Variants in MYO5B observed in about 807,000 individuals in gnomAD.
MYO5B encodes unconventional myosin-Vb.
Under a neutral mutation model 229.3 loss-of-function variants are expected in MYO5B, and 143 were observed. That is an observed-to-expected ratio of 0.62 (90% CI 0.54 to 0.72). The LOEUF is 0.72. Ranked by LOEUF, MYO5B falls within the 30% of genes least tolerant of loss-of-function variation. The pLI is 0.00. For synonymous variants in MYO5B, 918 were observed against 885.2 expected (o/e 1.04, Z -0.66); for missense variants, 2,321 against 2,331.0 (o/e 1.00, Z 0.09).
chr18:49,895,308 T>G, intron 21 of MYO5B, 134 bp from the exon 22 acceptor site: 1 of 741,958 alleles, frequency 1.3e-6, no homozygotes, highest in Non-Finnish European at 2.4e-6. Context: ...AATCATTGCA[T>G]GCTCAAGTGC....
At chr18:49,982,739 G>A (rs1459536702) in intron 8 of MYO5B, among the ~76,000 whole-genome samples, 1 of 152,134 alleles carries the variant, frequency 6.6e-6, no homozygotes, top group Non-Finnish European at 1.5e-5. Flanking sequence ...GCAACAAACT[G>A]TATGGCCCAC....
At chr18:49,976,909 A>G (rs1290493623) in intron 9 of MYO5B, among the ~76,000 whole-genome samples, 1 of 152,126 alleles carries the variant, frequency 6.6e-6, no homozygotes, top group Non-Finnish European at 1.5e-5. Context: ...CAAGCGTCCA[A>G]TTTGTTCATC....
chr18:49,958,060 C>T lies in MYO5B; in HGVS notation c.1546-3625G>A, dbSNP rs549065051. ...CACCTTTACAAAATACCCCTCTGCA[C>T]GCTCAGCAAAACATTAATTCTAGAT... On this transcript the variant is annotated intron_variant, in intron 12 of 39. Transcript: ENST00000285039. Among the ~76,000 whole-genome samples the T allele has an allele frequency of 5.9e-5, 9 of 152,272 alleles. No homozygotes were observed. The South Asian group carries it at 8.3e-4, about 14-fold the overall frequency.
intron 4 of MYO5B, 65 bp from the exon 5 acceptor site, chr18:50,001,476 C>T: frequency 1.3e-6 from 2 of 1,583,876 alleles, no homozygotes; most frequent in Non-Finnish European, 1.7e-6. Context: ...TCCAGGGACT[C>T]TGTCTGACAA....
At position 50,121,664 on chromosome 18, in the gene MYO5B, C is replaced by T. The variant is rs572564592; in HGVS notation, c.28-66286G>A. On this transcript the variant is annotated intron_variant, in intron 1 of 39. Coordinates refer to ENST00000285039, the MANE Select transcript of MYO5B (RefSeq NM_001080467.3). Reference sequence around the variant, plus strand: ...CTGTGTGCCTCCTCACTTCATCATTCAATGTAAATACAAAGCACCCACTTA... The same window carrying T: ...CTGTGTGCCTCCTCACTTCATCATTTAATGTAAATACAAAGCACCCACTTA... 2.0e-5 allele frequency among the ~76,000 whole-genome samples: 3 copies of T among 152,328 alleles called. No individual in the cohort carries two copies. The East Asian group carries it at 5.8e-4, about 29-fold the overall frequency.
At chr18:49,997,421 A>G (rs933282657) in intron 5 of MYO5B, among the ~76,000 whole-genome samples, 10 of 102,850 alleles carry the variant, frequency 9.7e-5, no homozygotes, top group African/African-American at 4.0e-4. Flanking sequence ...CTTGTTGCCC[A>G]GGCTGGAGTG....
intron 1 of MYO5B, among the ~76,000 whole-genome samples, chr18:50,103,354 C>G (rs1467354749): frequency 6.6e-6 from 1 of 152,188 alleles, no homozygotes; most frequent in Non-Finnish European, 1.5e-5. Flanking sequence ...CCTGACCCTC[C>G]CTGGAAGTTA....
At chr18:49,953,237 T>C (rs750097924) in intron 14 of MYO5B, 23 bp downstream of exon 14, 3 of 1,608,626 alleles carry the variant, frequency 1.9e-6, no homozygotes, top group South Asian at 2.2e-5. Context: ...CCTGCTCCAC[T>C]CCCCACTTCT....
intron 13 of MYO5B, 133 bp from the exon 14 acceptor site, chr18:49,953,476 TAAAATGCAAACCCAATA>T: frequency 1.3e-6 from 1 of 755,212 alleles, no homozygotes. Flanking sequence ...TGTTTCCACT[TAAAATGCAAACCCAATA>T]AATGGTCAGG....
At chr18:50,052,663 AC>A (rs1295135055) in intron 2 of MYO5B, among the ~76,000 whole-genome samples, 1 of 150,276 alleles carries the variant, frequency 6.7e-6, no homozygotes, top group Non-Finnish European at 1.5e-5. Flanking sequence ...TATGTAACTA[AC>A]CTGCACATTG....
chr18:49,884,186 G>A (rs1234409835), intron 22 of MYO5B, among the ~76,000 whole-genome samples: 1 of 151,924 alleles, frequency 6.6e-6, no homozygotes, highest in Non-Finnish European at 1.5e-5. Flanking sequence ...AAAGTGAAAG[G>A]GCAACCCACA....
At chr18:50,181,294 C>A (rs762333034) in intron 1 of MYO5B, among the ~76,000 whole-genome samples, 1 of 152,066 alleles carries the variant, frequency 6.6e-6, no homozygotes, top group East Asian at 1.9e-4. Context: ...AGAACTGCTA[C>A]ATCCAAATGA....
At chr18:50,058,626 C>A (rs936722338) in intron 1 of MYO5B, among the ~76,000 whole-genome samples, 1 of 152,166 alleles carries the variant, frequency 6.6e-6, no homozygotes, top group Non-Finnish European at 1.5e-5. Context: ...GCCTGGCCAA[C>A]ATGGTAAAAC....
intron 14 of MYO5B, among the ~76,000 whole-genome samples, chr18:49,952,670 C>T (rs1349764485): frequency 6.6e-6 from 1 of 152,108 alleles, no homozygotes; most frequent in East Asian, 1.9e-4. Context: ...AGAATGGACA[C>T]AATATTTGCT....
rs12185319 is a variant in MYO5B at position 50,165,169 on chromosome 18, G to A, written c.27+29598C>T. ...GAGATGCATCTACCAGAATGCCACT[G>A]ATTAACACTTTTAAAATAACCTGGG... On this transcript the variant is annotated intron_variant, in intron 1 of 39. Coordinates refer to ENST00000285039, the MANE Select transcript of MYO5B (RefSeq NM_001080467.3). Among the ~76,000 whole-genome samples the A allele has an allele frequency of 4.9e-3, 748 of 152,310 alleles. 4 individuals are homozygous for A. Among genetic ancestry groups the A allele is most frequent in the Non-Finnish European group, 8.2e-3 (561 of 68,032 alleles).
chr18:49,888,569 G>T (rs2024673050), intron 22 of MYO5B, among the ~76,000 whole-genome samples: 1 of 152,206 alleles, frequency 6.6e-6, no homozygotes, highest in Admixed American at 6.5e-5. Flanking sequence ...TGTGGTTGCA[G>T]CACGGGCACT....
intron 39 of MYO5B, among the ~76,000 whole-genome samples, chr18:49,833,105 T>G (rs2023942668): frequency 6.6e-6 from 1 of 152,188 alleles, no homozygotes; most frequent in African/African-American, 2.4e-5. Flanking sequence ...GAAGAAATTT[T>G]AGAGAGTATA....
intron 1 of MYO5B, among the ~76,000 whole-genome samples, chr18:50,172,288 C>CAAAAAAA (rs55973734): frequency 1.1e-5 from 1 of 90,522 alleles, no homozygotes. Flanking sequence ...CAAAAAAAGA[C>CAAAAAAA]AAAAAAAAAA....
intron 4 of MYO5B, among the ~76,000 whole-genome samples, 163 bp from the exon 5 acceptor site, chr18:50,001,574 C>G (rs969809180): frequency 5.3e-5 from 8 of 152,202 alleles, no homozygotes; most frequent in African/African-American, 1.9e-4. Context: ...TCCCCGACAC[C>G]TGCAAACATC....
Sources: gnomAD v4.1 joint callset for allele counts (sites outside exome capture counted in the v4.1 genomes callset) on GRCh38, gnomAD v4.1.1 for gene constraint, MANE v1.5 for transcripts, NCBI Gene and HGNC (gene_info 2026-07-23, HGNC 2026-07-21) for gene names.